The following PABPC4L variants were observed in gnomAD, a reference collection of about 807,000 sequenced individuals.
PABPC4L encodes the protein polyadenylate-binding protein 4-like.
For missense variants in PABPC4L, 452 were observed against 451.4 expected (o/e 1.00, Z -0.01); for synonymous variants, 169 against 164.1 (o/e 1.03, Z -0.23).
the PABPC4L span, among the ~76,000 whole-genome samples, chr4:134,132,475 C>T: frequency 6.6e-6 from 1 of 151,828 alleles, no homozygotes; most frequent in South Asian, 2.1e-4. Flanking sequence ...CTCAACATCA[C>T]CAATGAGCAG....
rs1430197699 is a variant in PABPC4L, at chr4:134,200,855, G to A, written c.165C>T (p.Tyr55=). The change falls in exon 2 of 2, where the codon TAC becomes TAT. Residue 55 remains tyrosine (Y), a synonymous_variant. Coordinates refer to ENST00000421491, the MANE Select transcript of PABPC4L (RefSeq NM_001114734.2). ...QVTRRSLGYA[Y]VNFLQLADAQ... is the part of the protein sequence containing the mutation. ...CATCAGCCAGCTGCAAGAAGTTCAC[G>A]TAGGCATAGCCCAGAGAGCGGCGGG... is the stretch of plus-strand genomic sequence containing the variant. The A allele has an allele frequency of 5.7e-6, 9 of 1,570,276 alleles. No homozygotes were observed. In the East Asian group the frequency reaches 7.0e-5, roughly 12 times the overall value.
chr4:133,996,858 T>C, the PABPC4L span, among the ~76,000 whole-genome samples: 7 of 151,948 alleles, frequency 4.6e-5, no homozygotes, highest in African/African-American at 1.2e-4. Flanking sequence ...TTGTAGGTAA[T>C]TAACATTGTC....
At chr4:134,125,945 C>G in the PABPC4L span, among the ~76,000 whole-genome samples, 4 of 152,116 alleles carry the variant, frequency 2.6e-5, no homozygotes, top group Non-Finnish European at 4.4e-5. Context: ...CACACATACT[C>G]TAGAACTGCA....
At chr4:134,184,953 C>T in the PABPC4L span, among the ~76,000 whole-genome samples, 11 of 152,102 alleles carry the variant, frequency 7.2e-5, no homozygotes, top group East Asian at 1.9e-3. Flanking sequence ...TGTTCATATG[C>T]TTATTCACCA....
chr4:133,979,575 C>G, the PABPC4L span, among the ~76,000 whole-genome samples: 3 of 152,098 alleles, frequency 2.0e-5, no homozygotes, highest in African/African-American at 7.2e-5. Flanking sequence ...CGTATTAGTT[C>G]CATAAAGACG....
chr4:134,026,305 G>A, the PABPC4L span, among the ~76,000 whole-genome samples: 5 of 151,194 alleles, frequency 3.3e-5, no homozygotes, highest in East Asian at 2.0e-4. Context: ...GCACAATCTC[G>A]GCTCGCTGCA....
the PABPC4L span, among the ~76,000 whole-genome samples, chr4:133,953,550 C>T: frequency 3.3e-5 from 5 of 152,144 alleles, no homozygotes; most frequent in Middle Eastern, 3.2e-3. Flanking sequence ...GATCCCTGAG[C>T]CTCTGCAGAA....
the PABPC4L span, among the ~76,000 whole-genome samples, chr4:134,133,022 TATATATA>T: frequency 2.0e-5 from 2 of 98,776 alleles, no homozygotes; most frequent in African/African-American, 1.0e-4. Flanking sequence ...TAGTATATAC[TATATATA>T]ATATATTTCA....
chr4:134,129,700 C>T, the PABPC4L span, among the ~76,000 whole-genome samples: 1 of 151,822 alleles, frequency 6.6e-6, no homozygotes, highest in East Asian at 1.9e-4. Context: ...ATAATAGTGA[C>T]AAAACCTATC....
the PABPC4L span, among the ~76,000 whole-genome samples, chr4:133,987,184 A>G: frequency 6.6e-6 from 1 of 152,336 alleles, no homozygotes; most frequent in African/African-American, 2.4e-5. Context: ...ACAAATGTCA[A>G]TACTGCTCAT....
the PABPC4L span, among the ~76,000 whole-genome samples, chr4:134,120,552 T>C: frequency 2.7e-5 from 4 of 150,878 alleles, no homozygotes; most frequent in Non-Finnish European, 5.9e-5. Context: ...CTGGAGAAAA[T>C]TTTTTTAGTT....
chr4:133,962,020 G>A, the PABPC4L span, among the ~76,000 whole-genome samples: 2 of 152,138 alleles, frequency 1.3e-5, no homozygotes, highest in East Asian at 3.9e-4. Context: ...CCACCATCTT[G>A]GGAGCAATAA....
At chr4:134,171,549 C>A in the PABPC4L span, among the ~76,000 whole-genome samples, 6 of 152,096 alleles carry the variant, frequency 3.9e-5, no homozygotes, top group Non-Finnish European at 8.8e-5. Flanking sequence ...AGTTTGCAAA[C>A]CAACAGCCAA....
the PABPC4L span, among the ~76,000 whole-genome samples, chr4:134,128,715 A>C: frequency 6.6e-6 from 1 of 152,306 alleles, no homozygotes; most frequent in African/African-American, 2.4e-5. Context: ...TTAAAGCATA[A>C]ATCTCATAGG....
the PABPC4L span, among the ~76,000 whole-genome samples, chr4:134,002,792 T>C: frequency 1.3e-5 from 2 of 151,996 alleles, no homozygotes; most frequent in African/African-American, 4.8e-5. Context: ...GAGAAAATGA[T>C]ACCTTGCAAA....
chr4:134,082,990 C>T, the PABPC4L span, among the ~76,000 whole-genome samples: 1 of 152,142 alleles, frequency 6.6e-6, no homozygotes, highest in Non-Finnish European at 1.5e-5. Context: ...TTAGCATGAC[C>T]ATCACCATAG....
chr4:134,047,696 C>T, the PABPC4L span, among the ~76,000 whole-genome samples: 1 of 152,008 alleles, frequency 6.6e-6, no homozygotes, highest in African/African-American at 2.4e-5. Flanking sequence ...AAGGACTCCA[C>T]AGTGGAGTCT....
At chr4:134,123,017 A>G in the PABPC4L span, among the ~76,000 whole-genome samples, 1 of 152,016 alleles carries the variant, frequency 6.6e-6, no homozygotes, top group Non-Finnish European at 1.5e-5. Context: ...AAGCTGTCAC[A>G]TACACTAAAT....
chr4:134,013,582 G>A, the PABPC4L span, among the ~76,000 whole-genome samples: 1 of 152,010 alleles, frequency 6.6e-6, no homozygotes, highest in Non-Finnish European at 1.5e-5. Flanking sequence ...CCAGAAAATG[G>A]CACTTTCAAT....
Sources: gnomAD v4.1 joint callset for allele counts (sites outside exome capture counted in the v4.1 genomes callset) on GRCh38, gnomAD v4.1.1 for gene constraint, MANE v1.5 for transcripts, NCBI Gene and HGNC (gene_info 2026-07-23, HGNC 2026-07-21) for gene names.